The following KCNN1 variants were observed in gnomAD, a reference collection of about 807,000 sequenced individuals.
KCNN1 encodes small conductance calcium-activated potassium channel protein 1.
In KCNN1, 20 loss-of-function variants were observed where a neutral mutation model predicts 44.7. That is an observed-to-expected ratio of 0.45 (90% confidence interval 0.32 to 0.65). The LOEUF is 0.65. Ranked by LOEUF, KCNN1 falls within the 30% of genes least tolerant of loss-of-function variation. The probability of loss-of-function intolerance (pLI) is 0.05; values close to 1 mark genes in which losing one functional copy is unlikely to be tolerated. For missense variants in KCNN1, 632 were observed against 785.3 expected (o/e 0.80, Z 2.33); for synonymous variants, 324 against 341.7 (o/e 0.95, Z 0.57).
intron 1 of KCNN1, among the ~76,000 whole-genome samples, chr19:17,970,319 T>C (rs1207755175): frequency 9.6e-6 from 1 of 104,282 alleles, no homozygotes. Context: ...TTTTTTTTTT[T>C]TTTTTTTTTT....
At chr19:17,996,146 A>C (rs1413114664) in intron 9 of KCNN1, among the ~76,000 whole-genome samples, 1 of 144,766 alleles carries the variant, frequency 6.9e-6, no homozygotes, top group Admixed American at 7.2e-5. Flanking sequence ...CCTGGGCAAC[A>C]TGGCAAAACT....
At chr19:17,995,318 C>T (rs997291750) in intron 9 of KCNN1, among the ~76,000 whole-genome samples, 2 of 151,872 alleles carry the variant, frequency 1.3e-5, no homozygotes, top group Non-Finnish European at 2.9e-5. Context: ...GGACTACAGG[C>T]GCACACCACC....
chr19:17,969,590 G>A (rs1477300180), intron 1 of KCNN1, among the ~76,000 whole-genome samples: 1 of 152,142 alleles, frequency 6.6e-6, no homozygotes, highest in African/African-American at 2.4e-5. Flanking sequence ...GGACGCGGCT[G>A]CCAGGCGAGG....
intron 3 of KCNN1, among the ~76,000 whole-genome samples, chr19:17,978,394 G>T (rs1273949247): frequency 1.3e-5 from 2 of 148,924 alleles, no homozygotes; most frequent in Non-Finnish European, 3.0e-5. Flanking sequence ...CAAAGTGCTG[G>T]GATTACAGGC....
At chr19:17,990,994 C>A (rs1279864827) in intron 7 of KCNN1, among the ~76,000 whole-genome samples, 1 of 151,644 alleles carries the variant, frequency 6.6e-6, no homozygotes, top group Non-Finnish European at 1.5e-5. Flanking sequence ...GTCTGGGTTG[C>A]AGTCTGGGTT....
upstream of KCNN1, among the ~76,000 whole-genome samples, chr19:17,965,698 A>G (rs1222593362): frequency 6.6e-6 from 1 of 151,836 alleles, no homozygotes; most frequent in Admixed American, 6.6e-5. Flanking sequence ...GTGACTCTCA[A>G]AGCTGCTTGT....
At chr19:17,970,073 C>T (rs902269729) in intron 1 of KCNN1, among the ~76,000 whole-genome samples, 4 of 152,108 alleles carry the variant, frequency 2.6e-5, no homozygotes, top group African/African-American at 9.7e-5. Context: ...AGTGCTGGGC[C>T]GGCAGGAGGT....
At chr19:17,955,265 A>G (rs1351669924) in intron 2 of KCNN1, among the ~76,000 whole-genome samples, 2 of 151,406 alleles carry the variant, frequency 1.3e-5, no homozygotes, top group Non-Finnish European at 2.9e-5. Context: ...ATTAAAAAAA[A>G]AAAAAAGAAA....
chr19:17,982,972 G>C (rs773793418), intron 4 of KCNN1, among the ~76,000 whole-genome samples: 20 of 151,898 alleles, frequency 1.3e-4, no homozygotes, highest in Non-Finnish European at 2.5e-4. Context: ...CCTGGGACGC[G>C]GAGGTTGCAG....
At chr19:17,975,294 T>G in intron 3 of KCNN1, 107 bp downstream of exon 3, 1 of 732,756 alleles carries the variant, frequency 1.4e-6, no homozygotes, top group Non-Finnish European at 2.3e-6. Flanking sequence ...GGATGTATAA[T>G]TGGCTTCTGA....
chr19:17,969,273 C>T (rs764430600), intron 1 of KCNN1, among the ~76,000 whole-genome samples: 3 of 152,152 alleles, frequency 2.0e-5, no homozygotes, highest in Non-Finnish European at 4.4e-5. Flanking sequence ...CCACCTGCCA[C>T]GCCTGGATGG....
At chr19:17,966,998 T>TTTAAATATGGG (rs2031831085), upstream of KCNN1, 1 of 402,706 alleles carries the variant, frequency 2.5e-6, no homozygotes, top group Admixed American at 6.4e-5. Context: ...ATGTGGGATC[T>TTTAAATATGGG]TTAAATATGG....
chr19:17,963,571 C>T (rs2031733117), upstream of KCNN1, among the ~76,000 whole-genome samples: 1 of 152,208 alleles, frequency 6.6e-6, no homozygotes, highest in African/African-American at 2.4e-5. Flanking sequence ...CCTCTTTGTC[C>T]TCCCGAAGTG....
intron 9 of KCNN1, among the ~76,000 whole-genome samples, chr19:17,996,184 AAT>A (rs1555771943): frequency 1.2e-4 from 18 of 150,266 alleles, no homozygotes; most frequent in African/African-American, 4.2e-4. Context: ...AAAAAAAAAA[AAT>A]AGAAAAATTA....
At chr19:17,970,011 C>T (rs1055077147) in intron 1 of KCNN1, among the ~76,000 whole-genome samples, 3 of 152,230 alleles carry the variant, frequency 2.0e-5, no homozygotes, top group Non-Finnish European at 4.4e-5. Context: ...CAAGGTCAGC[C>T]TCATAAACTG....
chr19:17,975,252 C>T, intron 3 of KCNN1, 65 bp downstream of exon 3: 1 of 1,136,466 alleles, frequency 8.8e-7, no homozygotes, highest in Non-Finnish European at 1.3e-6. Flanking sequence ...CACACCAGCC[C>T]ACCTTAGACC....
chr19:17,976,801 C>T (rs1435212440), intron 3 of KCNN1, among the ~76,000 whole-genome samples: 2 of 150,990 alleles, frequency 1.3e-5, no homozygotes, highest in South Asian at 2.1e-4. Flanking sequence ...CTGCAACCTC[C>T]GCCTCCCAGG....
chr19:17,986,220 G>A (rs112379407), intron 5 of KCNN1, among the ~76,000 whole-genome samples: 36 of 152,194 alleles, frequency 2.4e-4, no homozygotes, highest in East Asian at 7.7e-4. Flanking sequence ...AAAATTAGCC[G>A]GGCGTGGTGG....
At chr19:17,982,467 C>A in intron 4 of KCNN1, 2 of 802,038 alleles carry the variant, frequency 2.5e-6, no homozygotes, top group Non-Finnish European at 3.0e-6. Flanking sequence ...CCGGGGGGCG[C>A]AGGCAGCAGG....
Sources: gnomAD v4.1 joint callset for allele counts (sites outside exome capture counted in the v4.1 genomes callset) on GRCh38, gnomAD v4.1.1 for gene constraint, MANE v1.5 for transcripts, NCBI Gene and HGNC (gene_info 2026-07-23, HGNC 2026-07-21) for gene names.